The following LDLRAD3 variants were observed in gnomAD, a reference collection of about 807,000 sequenced individuals.
LDLRAD3 encodes the protein low density lipoprotein receptor class A domain containing 3.
Under a neutral mutation model 29.4 loss-of-function variants are expected in LDLRAD3, and 20 were observed. That is an observed-to-expected ratio of 0.68 (90% CI 0.48 to 0.99). The LOEUF (loss-of-function observed/expected upper bound fraction) is 0.99, where lower values mean the gene tolerates loss of function less well. LDLRAD3 is among the 50% of genes least tolerant of loss of function. LDLRAD3 has a pLI of 0.00. For missense variants in LDLRAD3, 420 were observed against 454.3 expected (o/e 0.92, Z 0.69); for synonymous variants, 157 against 192.7 (o/e 0.81, Z 1.53).
At chr11:35,984,831 T>C (rs1014192371) in intron 1 of LDLRAD3, among the ~76,000 whole-genome samples, 7 of 152,054 alleles carry the variant, frequency 4.6e-5, no homozygotes, top group Admixed American at 2.6e-4. Context: ...GGTTTCTCCA[T>C]GTTGGTCAGG....
chr11:36,166,735 G>A (rs911476680), intron 4 of LDLRAD3, among the ~76,000 whole-genome samples: 3 of 152,124 alleles, frequency 2.0e-5, no homozygotes, highest in Admixed American at 2.0e-4. Context: ...TTCTAGCCCA[G>A]TACTTCTCAA....
At chr11:36,118,627 A>G (rs996784319) in intron 4 of LDLRAD3, among the ~76,000 whole-genome samples, 3 of 152,130 alleles carry the variant, frequency 2.0e-5, no homozygotes, top group African/African-American at 7.2e-5. Context: ...ACCACTACAG[A>G]AGGTATCAGT....
intron 2 of LDLRAD3, among the ~76,000 whole-genome samples, chr11:36,075,572 C>A (rs1426099970): frequency 6.6e-6 from 1 of 152,110 alleles, no homozygotes; most frequent in Non-Finnish European, 1.5e-5. Context: ...TGTGCATATC[C>A]TATTTCTCCT....
chr11:36,099,187 G>T (rs1376791100), intron 4 of LDLRAD3, among the ~76,000 whole-genome samples: 1 of 152,130 alleles, frequency 6.6e-6, no homozygotes, highest in African/African-American at 2.4e-5. Context: ...GGAAGCTGAG[G>T]GATGCAGCTG....
chr11:36,154,843 G>A (rs959732788), intron 4 of LDLRAD3, among the ~76,000 whole-genome samples: 1 of 152,140 alleles, frequency 6.6e-6, no homozygotes, highest in Non-Finnish European at 1.5e-5. Context: ...ACCACCAGGT[G>A]ACCCCAGGCA....
At chr11:36,209,453 G>A (rs143113780) in intron 4 of LDLRAD3, among the ~76,000 whole-genome samples, 2 of 147,624 alleles carry the variant, frequency 1.4e-5, no homozygotes, top group African/African-American at 5.1e-5. Context: ...TTCGCCTCCC[G>A]GGTTCAAGCA....
At chr11:36,015,531 C>T (rs1302605468) in intron 1 of LDLRAD3, among the ~76,000 whole-genome samples, 3 of 152,004 alleles carry the variant, frequency 2.0e-5, no homozygotes, top group Non-Finnish European at 2.9e-5. Context: ...CCGAAGAGCG[C>T]GCAGATGTTA....
intron 4 of LDLRAD3, among the ~76,000 whole-genome samples, chr11:36,165,668 C>T (rs114849728): frequency 1.0e-3 from 152 of 152,134 alleles, no homozygotes; most frequent in African/African-American, 3.5e-3. Context: ...ATTGGAAATT[C>T]TAGGAAAGTG....
intron 4 of LDLRAD3, among the ~76,000 whole-genome samples, chr11:36,123,779 C>T (rs139434014): frequency 5.9e-5 from 9 of 152,354 alleles, no homozygotes; most frequent in Non-Finnish European, 1.0e-4. Flanking sequence ...GACCCCCTGA[C>T]TCTTGTCCGA....
At position 36,128,563 on chromosome 11, in the gene LDLRAD3, T is replaced by C. The variant is rs1372787383; in HGVS notation, c.454+30102T>C. 2.6e-5 allele frequency among the ~76,000 whole-genome samples: 4 copies of C among 152,202 alleles called. No homozygotes were observed. In the East Asian group the frequency reaches 7.8e-4, roughly 29 times the overall value. Reference sequence around the variant, plus strand: ...TCCAGTTTTTAATCAGAAAAACCACTCTAGGCTGGGCACGGTGATTCATGC... The same window carrying C: ...TCCAGTTTTTAATCAGAAAAACCACCCTAGGCTGGGCACGGTGATTCATGC... On this transcript the variant is annotated intron_variant, in intron 4 of 5. Transcript: ENST00000315571.
chr11:36,171,530 C>T (rs1262348555), intron 4 of LDLRAD3, among the ~76,000 whole-genome samples: 1 of 152,154 alleles, frequency 6.6e-6, no homozygotes, highest in Non-Finnish European at 1.5e-5. Flanking sequence ...CCATTTATCC[C>T]AACACCATTT....
intron 2 of LDLRAD3, among the ~76,000 whole-genome samples, chr11:36,073,783 A>G (rs760594033): frequency 2.6e-5 from 4 of 152,262 alleles, no homozygotes; most frequent in Non-Finnish European, 5.9e-5. Context: ...GGTTAATTGA[A>G]TGATGGCTAA....
intron 4 of LDLRAD3, among the ~76,000 whole-genome samples, chr11:36,123,880 G>A (rs1240330002): frequency 6.6e-6 from 1 of 152,212 alleles, no homozygotes; most frequent in Non-Finnish European, 1.5e-5. Flanking sequence ...TATTGAGTCT[G>A]CCTCCGCCTC....
chr11:36,210,375 C>T (rs1352925028), intron 4 of LDLRAD3, among the ~76,000 whole-genome samples: 1 of 152,178 alleles, frequency 6.6e-6, no homozygotes, highest in Non-Finnish European at 1.5e-5. Flanking sequence ...AACACAGCCC[C>T]ATTAATGTTT....
chr11:36,170,455 G>T (rs1425634582), intron 4 of LDLRAD3, among the ~76,000 whole-genome samples: 1 of 151,760 alleles, frequency 6.6e-6, no homozygotes, highest in Non-Finnish European at 1.5e-5. Context: ...AAATTGTGCT[G>T]CTATAAACAT....
intron 4 of LDLRAD3, among the ~76,000 whole-genome samples, chr11:36,123,490 T>G (rs577023148): frequency 3.3e-5 from 5 of 152,360 alleles, no homozygotes; most frequent in African/African-American, 1.2e-4. Flanking sequence ...TATAAGCATA[T>G]TTTAAGCATC....
chr11:36,151,813 G>A (rs1854282127), intron 4 of LDLRAD3, among the ~76,000 whole-genome samples: 1 of 152,146 alleles, frequency 6.6e-6, no homozygotes, highest in African/African-American at 2.4e-5. Flanking sequence ...TAAAAGGAAG[G>A]AAAATAAACA....
intron 4 of LDLRAD3, among the ~76,000 whole-genome samples, chr11:36,144,763 T>G (rs1281695580): frequency 1.5e-4 from 16 of 103,524 alleles, no homozygotes; most frequent in East Asian, 3.0e-4. Flanking sequence ...GAGGTGGGGG[T>G]CAGCCCCCCG....
chr11:36,076,288 C>T (rs1213513318), intron 2 of LDLRAD3, among the ~76,000 whole-genome samples: 1 of 151,952 alleles, frequency 6.6e-6, no homozygotes, highest in Admixed American at 6.6e-5. Flanking sequence ...TTTTAAAGAC[C>T]TTGAGTTCAT....
Sources: allele counts gnomAD v4.1 joint callset (sites outside exome capture counted in the v4.1 genomes callset), GRCh38; gene constraint gnomAD v4.1.1; transcripts MANE v1.5; gene names NCBI Gene and HGNC (gene_info 2026-07-23, HGNC 2026-07-21).